The following BID variants were observed in gnomAD, a reference collection of about 807,000 sequenced individuals.
The protein encoded by BID is BH3-interacting domain death agonist.
In BID, 19 loss-of-function variants were observed where a neutral mutation model predicts 17.4. That is an observed-to-expected ratio of 1.09 (90% CI 0.76 to 1.60). The LOEUF (loss-of-function observed/expected upper bound fraction) is 1.60, where lower values mean the gene tolerates loss of function less well. BID is among the 40% of genes most tolerant of loss of function. The pLI is 0.00. For synonymous variants in BID, 108 were observed against 102.8 expected (o/e 1.05, Z -0.31); for missense variants, 226 against 256.0 (o/e 0.88, Z 0.80).
chr22:17,745,835 G>A (rs989902824), intron 2 of BID, among the ~76,000 whole-genome samples: 6 of 151,820 alleles, frequency 4.0e-5, no homozygotes, highest in African/African-American at 7.3e-5. Context: ...GCCTGGTGGC[G>A]GGCGTCTGTA....
rs189923680 is a variant in BID at position 17,743,942 on chromosome 22, A to G, written c.84T>C (p.Cys28=). ...NLLVFGFLQS[C]SDNSFRRELD... Reference sequence around the variant, plus strand: ...GCTCTCTGCGGAAGCTGTTGTCAGAACAGCTTTGGAGGAAGCCAAACACCA... The same window carrying G: ...GCTCTCTGCGGAAGCTGTTGTCAGAGCAGCTTTGGAGGAAGCCAAACACCA... The change falls in exon 3 of 6, where the codon TGT becomes TGC. Residue 28 remains cysteine (C), a synonymous_variant. Transcript: ENST00000622694. 1.9e-6 allele frequency: 3 copies of G among 1,614,008 alleles called. No individual in the cohort carries two copies. The highest frequency in any genetic ancestry group is 3.3e-5 in the Admixed American group (2 of 60,026).
At position 17,769,135 on chromosome 22, in the gene BID, G is replaced by A. The variant is rs1009858242; in HGVS notation, c.-59+5246C>T. Among the ~76,000 whole-genome samples the A allele has an allele frequency of 4.6e-5, 7 of 152,232 alleles. No individual in the cohort carries two copies. The highest frequency in any genetic ancestry group is 2.0e-4 in the Admixed American group (3 of 15,290). ...CATCCCAGGCAGAGTCCAAGTCAGGGCAGAGCCTCACAGAGCACAGCAGGG... is the reference window on the plus strand; with the variant it reads ...CATCCCAGGCAGAGTCCAAGTCAGGACAGAGCCTCACAGAGCACAGCAGGG... On this transcript the variant is annotated intron_variant, in intron 1 of 5. Coordinates refer to ENST00000622694, the MANE Select transcript of BID (RefSeq NM_001196.4). This position sits in a 1 kb window ranked among gnomAD's most constrained non-coding sequence, Gnocchi z 4.8.
chr22:17,774,450 C>A lies in BID; in HGVS notation c.-128G>T. On this transcript the variant is annotated 5_prime_UTR_variant, in exon 1 of 6. Transcript: ENST00000622694. ...CGTCTCCCAGGCGCGCGGACACGGT[C>A]GACTACCCGCTTCCTCCTTATGGCG... 1 of 295,304 alleles carries A rather than the reference C, an allele frequency of 3.4e-6. No homozygotes were observed. The highest frequency in any genetic ancestry group is 7.2e-6 in the Non-Finnish European group (1 of 138,958). The allele number at this position is 295,304 out of a possible 1,614,324, so 18.3% of individuals were successfully genotyped here. A position where few individuals can be genotyped will look rare whatever the true frequency, so the allele number is the denominator to read the frequency against.
Position 17,756,432 on chromosome 22 carries a change from CTTCTTTCT to C in BID, c.-58-6266_-58-6259del, listed in dbSNP as rs1555906073. 6.6e-3 allele frequency among the ~76,000 whole-genome samples: 460 copies of C among 69,266 alleles called. 4 individuals carry two copies. Among genetic ancestry groups the C allele is most frequent in the South Asian group, 0.016 (21 of 1,336 alleles). The allele number at this position is 69,266 out of a possible 152,430, so 45.4% of individuals were successfully genotyped here. On this transcript the variant is annotated intron_variant, in intron 1 of 5. Coordinates refer to ENST00000622694, the MANE Select transcript of BID (RefSeq NM_001196.4). ...TTTCTCTTTCTTTCTTTCTTTCTTT[CTTCTTTCT>C]TTCTTTCTTTCTTTCTTTCTTTCTT...
intron 1 of BID, among the ~76,000 whole-genome samples, chr22:17,768,746 C>A (rs1209864268): frequency 6.6e-6 from 1 of 152,118 alleles, no homozygotes; most frequent in Non-Finnish European, 1.5e-5. Flanking sequence ...GTGGTGGGCA[C>A]CTGTAGTCCC....
chr22:17,736,934 G>A (rs1461040054), intron 5 of BID, among the ~76,000 whole-genome samples: 1 of 151,960 alleles, frequency 6.6e-6, no homozygotes, highest in Non-Finnish European at 1.5e-5. Context: ...CTCCTGAGTA[G>A]CTGGGATTAC....
intron 1 of BID, among the ~76,000 whole-genome samples, chr22:17,757,351 T>C (rs392140): frequency 0.9 from 129,075 of 142,876 alleles, 58,512 homozygotes; most frequent in East Asian, 1. Flanking sequence ...TACAGCGAGC[T>C]GAGATCACGC....
intron 1 of BID, among the ~76,000 whole-genome samples, chr22:17,759,226 T>G: frequency 2.4e-5 from 1 of 41,998 alleles, no homozygotes. Flanking sequence ...AAAGACTCCG[T>G]CTCAAAACAA....
At chr22:17,755,655 G>A (rs905326411) in intron 1 of BID, among the ~76,000 whole-genome samples, 47 of 152,022 alleles carry the variant, frequency 3.1e-4, no homozygotes, top group African/African-American at 1.1e-3. Flanking sequence ...ACAAAAATTA[G>A]CCGGGTGTGG....
In BID at chr22:17,769,286, C is replaced by G. The variant is rs540815384; in HGVS notation, c.-59+5095G>C. On this transcript the variant is annotated intron_variant, in intron 1 of 5. Transcript: ENST00000622694. The surrounding 1 kb of genome is among the most constrained non-coding windows in gnomAD (Gnocchi z 4.8). ...GCGGCTGGCTGCTGGTGTGAGTACA[C>G]GGGTGACCCTTCCACAAAGGCCCCT... 6.6e-6 allele frequency among the ~76,000 whole-genome samples: 1 copy of G among 152,216 alleles called. No individual in the cohort carries two copies. The highest frequency in any genetic ancestry group is 1.5e-5 in the Non-Finnish European group (1 of 68,038).
intron 1 of BID, among the ~76,000 whole-genome samples, chr22:17,751,926 A>G (rs141930640): frequency 1.6e-4 from 24 of 152,310 alleles, no homozygotes; most frequent in African/African-American, 5.3e-4. Context: ...CCACCCCAGG[A>G]AACAGGCCAC....
Position 17,735,527 on chromosome 22 carries a change from T to C in BID, c.*53A>G, listed in dbSNP as rs2145867812. On this transcript the variant is annotated 3_prime_UTR_variant, in exon 6 of 6. Coordinates refer to ENST00000622694, the MANE Select transcript of BID (RefSeq NM_001196.4). ...GCTCCGTCTACACTGGAAGCAGCTA[T>C]ACAGCTGTGACCACATCGAGCTTTA... 1 of 1,611,954 alleles carries C rather than the reference T, an allele frequency of 6.2e-7. No homozygotes were observed. Among genetic ancestry groups the C allele is most frequent in the Admixed American group, 1.7e-5 (1 of 60,014 alleles).
rs1163387803 is a variant in BID at position 17,738,125 on chromosome 22, G to A, written c.468C>T (p.Ala156=). The part of the protein sequence containing the change: ...KTMLVLALLL[A]KKVASHTPSL... ...ACGGCGTGTGACTGGCCACCTTCTT[G>A]GCCAGCAGCAGGGCCAGCACCAGCA... Residue 156 remains alanine, a synonymous_variant, in exon 5 of 6, where the codon GCC becomes GCT. Coordinates refer to ENST00000622694, the MANE Select transcript of BID (RefSeq NM_001196.4). 1.2e-6 allele frequency: 2 copies of A among 1,614,088 alleles called. No homozygotes were observed. Among genetic ancestry groups the A allele is most frequent in the African/African-American group, 2.7e-5 (2 of 75,042 alleles).
At chr22:17,736,957 C>G (rs1180162809) in intron 5 of BID, among the ~76,000 whole-genome samples, 1 of 152,026 alleles carries the variant, frequency 6.6e-6, no homozygotes, top group African/African-American at 2.4e-5. Context: ...GCGCCCGCCA[C>G]CACACCCAGC....
Position 17,738,105 on chromosome 22 carries a change from G to C in BID, c.488C>G (p.Thr163Arg). 6.2e-7 allele frequency: 1 copy of C among 1,614,172 alleles called. No individual in the cohort carries two copies. ...AAAGACATCACGGAGCAAGGACGGCGTGTGACTGGCCACCTTCTTGGCCAG... is the reference window on the plus strand; with the variant it reads ...AAAGACATCACGGAGCAAGGACGGCCTGTGACTGGCCACCTTCTTGGCCAG... ...LLLAKKVASHTPSLLRDVFHT... is the reference protein window; with the variant it reads ...LLLAKKVASHRPSLLRDVFHT... The change falls in exon 5 of 6, where the codon ACG (threonine) becomes AGG (arginine). Residue 163 changes from threonine to arginine, a missense_variant. By Grantham distance (71) the Thr-to-Arg change is moderately conservative. Transcript: ENST00000622694.
In BID at chr22:17,735,574, G is replaced by A; in HGVS notation, c.*6C>T. 4 of 1,614,132 alleles carry A rather than the reference G, an allele frequency of 2.5e-6. No homozygotes were observed. The highest frequency in any genetic ancestry group is 2.5e-6 in the Non-Finnish European group (3 of 1,180,030). Reference sequence around the variant, plus strand: ...TTTAGCCAGTCACACTTCTGGAACTGTCCGTTCAGTCCATCCCCTAGAGCA... The same window carrying A: ...TTTAGCCAGTCACACTTCTGGAACTATCCGTTCAGTCCATCCCCTAGAGCA... On this transcript the variant is annotated 3_prime_UTR_variant, in exon 6 of 6. Transcript: ENST00000622694.
chr22:17,735,544 C>G lies in BID; in HGVS notation c.*36G>C. ...AGCAGCTATACAGCTGTGACCACATCGAGCTTTAGCCAGTCACACTTCTGG... is the reference window on the plus strand; with the variant it reads ...AGCAGCTATACAGCTGTGACCACATGGAGCTTTAGCCAGTCACACTTCTGG... On this transcript the variant is annotated 3_prime_UTR_variant, in exon 6 of 6. Coordinates refer to ENST00000622694, the MANE Select transcript of BID (RefSeq NM_001196.4). The G allele has an allele frequency of 1.2e-6, 2 of 1,613,924 alleles. No homozygotes were observed. Among genetic ancestry groups the G allele is most frequent in the Non-Finnish European group, 1.7e-6 (2 of 1,179,844 alleles).
chr22:17,756,464 TTTC>T (rs1300478854), intron 1 of BID, among the ~76,000 whole-genome samples: 179 of 103,618 alleles, frequency 1.7e-3, no homozygotes, highest in African/African-American at 6.1e-3. Flanking sequence ...TCTTTCTTTC[TTTC>T]TTTCTTTCTT....
intron 3 of BID, among the ~76,000 whole-genome samples, chr22:17,743,449 C>G (rs996141239): frequency 6.6e-6 from 1 of 152,228 alleles, no homozygotes; most frequent in Non-Finnish European, 1.5e-5. Flanking sequence ...GTTATATAAT[C>G]CAGACAAGTG....
Sources: gnomAD v4.1 joint callset for allele counts (sites outside exome capture counted in the v4.1 genomes callset) on GRCh38, gnomAD v4.1.1 for gene constraint, Gnocchi (gnomAD v3.1) non-coding constraint, MANE v1.5 for transcripts, NCBI Gene and HGNC (gene_info 2026-07-23, HGNC 2026-07-21) for gene names.